The following NAV2 variants were observed in gnomAD, a reference collection of about 807,000 sequenced individuals.
NAV2 encodes the protein helicase, APC down-regulated 1.
Under a neutral mutation model 223.2 loss-of-function variants are expected in NAV2, and 54 were observed. That is an observed-to-expected ratio of 0.24 (90% CI 0.19 to 0.30). NAV2 has a LOEUF of 0.30. Among genes scored for constraint, NAV2 ranks in the 10% least tolerant of loss-of-function variants. NAV2 has a pLI of 1.00. For missense variants in NAV2, 2,806 were observed against 3,147.5 expected (o/e 0.89, Z 2.60); for synonymous variants, 1,279 against 1,239.3 (o/e 1.03, Z -0.67).
chr11:19,555,439 C>T (rs965201271), intron 1 of NAV2, among the ~76,000 whole-genome samples: 16 of 149,590 alleles, frequency 1.1e-4, no homozygotes, highest in African/African-American at 2.1e-4. Context: ...GCCAACACTC[C>T]CAGACCTGGG....
At chr11:20,111,870 C>A (rs553288113) in intron 36 of NAV2, among the ~76,000 whole-genome samples, 2 of 152,324 alleles carry the variant, frequency 1.3e-5, no homozygotes, top group Non-Finnish European at 2.9e-5. Flanking sequence ...CAGTTGAGGA[C>A]CAGAGATGAA....
intron 8 of NAV2, among the ~76,000 whole-genome samples, chr11:19,941,140 A>G (rs930957656): frequency 3.3e-5 from 5 of 152,172 alleles, no homozygotes; most frequent in Non-Finnish European, 5.9e-5. Flanking sequence ...GAGCCGGAGA[A>G]TATTCCAAAT....
intron 1 of NAV2, among the ~76,000 whole-genome samples, chr11:19,748,972 G>A (rs1248970500): frequency 6.6e-6 from 1 of 152,242 alleles, no homozygotes; most frequent in African/African-American, 2.4e-5. Context: ...AAAACTTGGA[G>A]CTTCTAACTC....
chr11:19,614,290 C>T (rs753540665), intron 1 of NAV2, among the ~76,000 whole-genome samples: 5 of 152,212 alleles, frequency 3.3e-5, no homozygotes, highest in South Asian at 4.2e-4. Context: ...CCTAGTTCCG[C>T]GAGACACCTC....
At chr11:20,057,389 C>A (rs2058431459) in intron 19 of NAV2, among the ~76,000 whole-genome samples, 1 of 152,164 alleles carries the variant, frequency 6.6e-6, no homozygotes, top group South Asian at 2.1e-4. Flanking sequence ...CCATGACATT[C>A]AGTGAACAGG....
intron 1 of NAV2, among the ~76,000 whole-genome samples, chr11:19,580,764 A>C (rs1455599057): frequency 2.0e-5 from 3 of 152,150 alleles, no homozygotes; most frequent in Admixed American, 6.5e-5. Flanking sequence ...CATTGTCTTC[A>C]TGGGCATGTG....
intron 1 of NAV2, among the ~76,000 whole-genome samples, chr11:19,417,250 GA>G (rs1246800876): frequency 2.0e-5 from 3 of 152,120 alleles, no homozygotes; most frequent in African/African-American, 7.2e-5. Context: ...AAATTTACCA[GA>G]AAAAAACACA....
intron 1 of NAV2, among the ~76,000 whole-genome samples, chr11:19,530,453 A>G (rs1254239772): frequency 6.6e-6 from 1 of 152,216 alleles, no homozygotes; most frequent in African/African-American, 2.4e-5. Flanking sequence ...GCTCACAGCA[A>G]TTGTATGAAA....
At chr11:20,097,317 T>A (rs2061344856) in intron 30 of NAV2, among the ~76,000 whole-genome samples, 1 of 152,202 alleles carries the variant, frequency 6.6e-6, no homozygotes, top group Non-Finnish European at 1.5e-5. Context: ...TCATCCAGAC[T>A]AAACGTTCAC....
chr11:19,586,986 C>T (rs921958889), intron 1 of NAV2, among the ~76,000 whole-genome samples: 1 of 152,254 alleles, frequency 6.6e-6, no homozygotes, highest in Non-Finnish European at 1.5e-5. Flanking sequence ...GTGGAGTCTA[C>T]AGAGGCAGGC....
At position 20,103,741 on chromosome 11, in the gene NAV2, C is replaced by G. The variant is rs1342823858; in HGVS notation, c.6644+17C>G. The G allele has an allele frequency of 2.5e-6, 4 of 1,610,460 alleles. No individual in the cohort carries two copies. The African/African-American group carries it at 5.3e-5, about 22-fold the overall frequency. ...TAACTTCAGGTCAGTTTTCCCTTCC[C>G]TTGTCCAGTTAAACAATGGAATCAC... On this transcript the variant is annotated intron_variant, in intron 34 of 37. Transcript: ENST00000349880.
chr11:19,787,270 CTTTTTTTTT>C (rs757183666), intron 1 of NAV2, among the ~76,000 whole-genome samples: 12 of 55,008 alleles, frequency 2.2e-4, no homozygotes, highest in South Asian at 9.2e-4. Flanking sequence ...TTTATTGGAT[CTTTTTTTTT>C]TTTTTTTTTT....
At chr11:19,380,835 C>T (rs1475039477) in intron 1 of NAV2, among the ~76,000 whole-genome samples, 1 of 152,196 alleles carries the variant, frequency 6.6e-6, no homozygotes, top group Non-Finnish European at 1.5e-5. Flanking sequence ...CCTGCTTTGC[C>T]TGGGATTTAG....
chr11:20,066,381 A>G (rs902640860), intron 20 of NAV2, among the ~76,000 whole-genome samples: 3 of 152,240 alleles, frequency 2.0e-5, no homozygotes, highest in African/African-American at 7.2e-5. Flanking sequence ...CCTTCTCCTG[A>G]AAGCATTTCT....
At chr11:19,655,774 G>A (rs1360143281) in intron 1 of NAV2, among the ~76,000 whole-genome samples, 1 of 151,244 alleles carries the variant, frequency 6.6e-6, no homozygotes, top group Non-Finnish European at 1.5e-5. Context: ...GATAGCATTA[G>A]GAGATATACC....
intron 1 of NAV2, among the ~76,000 whole-genome samples, chr11:19,455,509 G>A (rs769612178): frequency 6.6e-6 from 1 of 152,038 alleles, no homozygotes; most frequent in Non-Finnish European, 1.5e-5. Context: ...CTCCCATTCT[G>A]CTGTAATTTC....
At position 19,595,724 on chromosome 11, in the gene NAV2, A is replaced by T. The variant is rs1405461442; in HGVS notation, c.76-236760A>T. On this transcript the variant is annotated intron_variant, in intron 1 of 37. Coordinates refer to the NAV2 transcript ENST00000360655. ...GACACACCACCATGAAGGCTAATTA[A>T]AAAAAAAAAATTTTTTTTTTAGTGA... is the stretch of plus-strand genomic sequence containing the variant. 5.2e-4 allele frequency among the ~76,000 whole-genome samples: 4 copies of T among 7,702 alleles called. No homozygotes were observed. In the Non-Finnish European group the frequency reaches 0.045, roughly 88 times the overall value. The allele number at this position is 7,702 out of a possible 152,430, so 5.1% of individuals were successfully genotyped here.
chr11:19,941,274 C>T (rs1287141816), intron 8 of NAV2, among the ~76,000 whole-genome samples: 1 of 152,064 alleles, frequency 6.6e-6, no homozygotes, highest in East Asian at 1.9e-4. Flanking sequence ...TGTCAATCGG[C>T]TGCGGGGAAG....
chr11:19,406,396 G>A (rs1249859787), intron 1 of NAV2, among the ~76,000 whole-genome samples: 5 of 152,208 alleles, frequency 3.3e-5, no homozygotes, highest in African/African-American at 1.2e-4. Flanking sequence ...AGAACGGCAA[G>A]ATGCTAAGCA....
Sources: allele counts gnomAD v4.1 joint callset (sites outside exome capture counted in the v4.1 genomes callset), GRCh38; gene constraint gnomAD v4.1.1; transcripts MANE v1.5; gene names NCBI Gene and HGNC (gene_info 2026-07-23, HGNC 2026-07-21).